The following EXOC4 variants were observed in gnomAD, a reference collection of about 807,000 sequenced individuals.
EXOC4 encodes the protein exocyst complex component 4.
Under a neutral mutation model 107.2 loss-of-function variants are expected in EXOC4, and 71 were observed. That is an observed-to-expected ratio of 0.66 (90% CI 0.55 to 0.81). The LOEUF (loss-of-function observed/expected upper bound fraction) is 0.81, where lower values mean the gene tolerates loss of function less well. Ranked by LOEUF, EXOC4 falls within the 30% of genes least tolerant of loss-of-function variation. EXOC4 has a pLI of 0.00. For synonymous variants in EXOC4, 456 were observed against 441.2 expected (o/e 1.03, Z -0.42); for missense variants, 1,108 against 1,189.6 (o/e 0.93, Z 1.01).
At chr7:133,271,688 C>G (rs1033228311) in intron 1 of EXOC4, among the ~76,000 whole-genome samples, 3 of 152,160 alleles carry the variant, frequency 2.0e-5, no homozygotes, top group Non-Finnish European at 2.9e-5. Flanking sequence ...CTGCCTAACC[C>G]TTGTGGGACT....
chr7:133,857,516 C>G (rs1798442508), intron 11 of EXOC4, among the ~76,000 whole-genome samples: 1 of 148,776 alleles, frequency 6.7e-6, no homozygotes. Context: ...CCTGGGCTGC[C>G]AGGCTGTGCT....
chr7:133,325,502 T>C (rs1030509462), intron 5 of EXOC4, among the ~76,000 whole-genome samples: 3 of 152,218 alleles, frequency 2.0e-5, no homozygotes, highest in African/African-American at 7.2e-5. Flanking sequence ...AATTCTGGGC[T>C]GAAAATTCTT....
chr7:133,546,715 T>A (rs951950367), intron 9 of EXOC4, among the ~76,000 whole-genome samples: 1 of 152,188 alleles, frequency 6.6e-6, no homozygotes, highest in African/African-American at 2.4e-5. Context: ...CTGATTCCTG[T>A]CCATATAATT....
chr7:133,929,202 A>T (rs1342543277), intron 13 of EXOC4, among the ~76,000 whole-genome samples: 1 of 152,012 alleles, frequency 6.6e-6, no homozygotes, highest in Non-Finnish European at 1.5e-5. Context: ...ACGTGCTGGT[A>T]TTATAGGCAT....
chr7:133,970,004 T>C (rs181515873), intron 14 of EXOC4, among the ~76,000 whole-genome samples: 5,005 of 152,278 alleles, frequency 0.033, 149 homozygotes, highest in Non-Finnish European at 0.05. Flanking sequence ...CATAAGCCCC[T>C]GACTGGGGCT....
chr7:133,470,670 G>T (rs1242384933), intron 7 of EXOC4, among the ~76,000 whole-genome samples: 2 of 151,792 alleles, frequency 1.3e-5, no homozygotes, highest in Non-Finnish European at 2.9e-5. Flanking sequence ...ATTATTTTTG[G>T]GGCTCTTGAT....
intron 10 of EXOC4, among the ~76,000 whole-genome samples, chr7:133,753,809 C>G (rs943089479): frequency 2.0e-5 from 3 of 152,108 alleles, no homozygotes; most frequent in African/African-American, 4.8e-5. Context: ...GCCTAACGGC[C>G]TGTTTTACAG....
chr7:133,896,183 G>A (rs1329384672), intron 12 of EXOC4, among the ~76,000 whole-genome samples: 1 of 152,082 alleles, frequency 6.6e-6, no homozygotes, highest in Non-Finnish European at 1.5e-5. Context: ...CAAAAGAACA[G>A]TTACCCCTGT....
At chr7:134,086,295 A>G in the EXOC4 span, among the ~76,000 whole-genome samples, 1 of 152,222 alleles carries the variant, frequency 6.6e-6, no homozygotes, top group African/African-American at 2.4e-5. Context: ...CCAAAATTTG[A>G]AAGTTGAGCA....
chr7:134,057,808 A>T (rs933565674), intron 17 of EXOC4, among the ~76,000 whole-genome samples: 2 of 152,158 alleles, frequency 1.3e-5, no homozygotes, highest in African/African-American at 2.4e-5. Context: ...AAATCCAAAA[A>T]TGCCAGTGCT....
intron 16 of EXOC4, 89 bp downstream of exon 16, chr7:134,005,179 G>A: frequency 7.6e-7 from 1 of 1,323,510 alleles, no homozygotes; most frequent in Non-Finnish European, 1.0e-6. Flanking sequence ...TTCAAGACTT[G>A]TAGAAAAGAG....
intron 5 of EXOC4, among the ~76,000 whole-genome samples, chr7:133,319,905 A>G (rs1054645833): frequency 6.7e-6 from 1 of 149,748 alleles, no homozygotes; most frequent in African/African-American, 2.5e-5. Context: ...ATTAAAGTCA[A>G]TAATAGCAGA....
At chr7:133,883,153 AC>A (rs998989288) in intron 11 of EXOC4, among the ~76,000 whole-genome samples, 9 of 152,066 alleles carry the variant, frequency 5.9e-5, no homozygotes, top group Non-Finnish European at 1.3e-4. Flanking sequence ...CCAGTTGTGC[AC>A]CTTTGGGTCA....
intron 10 of EXOC4, among the ~76,000 whole-genome samples, chr7:133,816,518 CT>C (rs1345212067): frequency 6.6e-6 from 1 of 152,206 alleles, no homozygotes; most frequent in Non-Finnish European, 1.5e-5. Context: ...TTCTTAACCT[CT>C]GAACTCACAT....
At chr7:133,957,062 C>T (rs970786375) in intron 14 of EXOC4, among the ~76,000 whole-genome samples, 3 of 152,002 alleles carry the variant, frequency 2.0e-5, no homozygotes, top group African/African-American at 7.2e-5. Context: ...CAGTGTTCCT[C>T]AGTGGCATTC....
Position 133,468,658 on chromosome 7 carries a change from C to A in EXOC4, c.1183-6670C>A, listed in dbSNP as rs990868608. 1.5e-4 allele frequency among the ~76,000 whole-genome samples: 23 copies of A among 152,230 alleles called. 1 individual carries two copies. In the East Asian group the frequency reaches 4.5e-3, roughly 29 times the overall value. On this transcript the variant is annotated intron_variant, in intron 7 of 17. Transcript: ENST00000253861. ...GGTAAGACTATACTTTCTGCTTGGG[C>A]TCTTCCCTTGCTCCATGAAAACCGG...
At chr7:133,810,418 T>C (rs952228768) in intron 10 of EXOC4, among the ~76,000 whole-genome samples, 3 of 152,158 alleles carry the variant, frequency 2.0e-5, no homozygotes, top group Non-Finnish European at 4.4e-5. Context: ...ATGTTCATAG[T>C]GTGTCCTCAT....
intron 5 of EXOC4, among the ~76,000 whole-genome samples, chr7:133,326,652 G>A (rs1225424086): frequency 6.6e-6 from 1 of 152,220 alleles, no homozygotes; most frequent in Non-Finnish European, 1.5e-5. Context: ...CTACTCGGGG[G>A]TCAGGGACCC....
rs184146972 is a variant in EXOC4, at chr7:133,473,999, C to T, written c.1183-1329C>T. On this transcript the variant is annotated intron_variant, in intron 7 of 17. Transcript: ENST00000253861. ...CTGGGATTACAGGTGTGAGCCACTGCGCCTGGCCTGGGTCTTGTTTTTTAA... is the reference window on the plus strand; with the variant it reads ...CTGGGATTACAGGTGTGAGCCACTGTGCCTGGCCTGGGTCTTGTTTTTTAA... Among the ~76,000 whole-genome samples, 241 of 152,094 alleles carry T rather than the reference C, an allele frequency of 1.6e-3. 1 individual carries two copies. Among genetic ancestry groups the T allele is most frequent in the Non-Finnish European group, 1.3e-3 (85 of 67,966 alleles).
Sources: gnomAD v4.1 joint callset for allele counts (sites outside exome capture counted in the v4.1 genomes callset) on GRCh38, gnomAD v4.1.1 for gene constraint, MANE v1.5 for transcripts, NCBI Gene and HGNC (gene_info 2026-07-23, HGNC 2026-07-21) for gene names.